SHANK2: variants seen among roughly 807,000 people sequenced by gnomAD.
SHANK2 encodes the protein SH3 and multiple ankyrin repeat domains protein 2.
A neutral mutation model predicts 133.7 loss-of-function variants in SHANK2; 43 were observed. The ratio of observed to expected loss-of-function variants is 0.32; its 90% CI spans 0.25 to 0.41. The LOEUF (loss-of-function observed/expected upper bound fraction) is 0.41. SHANK2 is among the 10% of genes least tolerant of loss of function. The pLI is 1.00. For synonymous variants in SHANK2, 1,017 were observed against 952.8 expected (o/e 1.07, Z -1.24); for missense variants, 1,994 against 2,235.8 (o/e 0.89, Z 2.18).
intron 15 of SHANK2, among the ~76,000 whole-genome samples, chr11:70,679,616 G>A (rs782538387): frequency 2.0e-5 from 3 of 152,246 alleles, no homozygotes; most frequent in Non-Finnish European, 2.9e-5. Flanking sequence ...GGGTCCTGCC[G>A]AGGAACAGAG....
intron 14 of SHANK2, among the ~76,000 whole-genome samples, chr11:70,707,442 A>G (rs1555025198): frequency 6.7e-6 from 1 of 149,642 alleles, no homozygotes; most frequent in Non-Finnish European, 1.5e-5. Flanking sequence ...GGGTCCTGTG[A>G]GCATGCTGAC....
chr11:70,523,336 A>G (rs1286001427), intron 17 of SHANK2, among the ~76,000 whole-genome samples: 2 of 152,178 alleles, frequency 1.3e-5, no homozygotes, highest in Non-Finnish European at 2.9e-5. Context: ...GACTGTGGTA[A>G]AACACAGCAG....
chr11:70,558,190 C>T (rs563729825), intron 17 of SHANK2, among the ~76,000 whole-genome samples: 1 of 152,152 alleles, frequency 6.6e-6, no homozygotes, highest in African/African-American at 2.4e-5. Context: ...GAGGGGGAGC[C>T]CCCTGGCCCC....
intron 3 of SHANK2, among the ~76,000 whole-genome samples, chr11:71,140,539 A>T (rs1333809618): frequency 6.6e-6 from 1 of 152,192 alleles, no homozygotes; most frequent in African/African-American, 2.4e-5. Flanking sequence ...CCGATGGAGG[A>T]CCTCAGTGGC....
intron 8 of SHANK2, among the ~76,000 whole-genome samples, chr11:71,083,593 A>T (rs1374032041): frequency 1.3e-5 from 2 of 152,138 alleles, no homozygotes; most frequent in African/African-American, 2.4e-5. Flanking sequence ...AGAGTCCCTC[A>T]TCCCGAAGAT....
At chr11:70,623,790 G>T (rs2060866534) in intron 17 of SHANK2, among the ~76,000 whole-genome samples, 1 of 152,194 alleles carries the variant, frequency 6.6e-6, no homozygotes. Context: ...CGAGCACATG[G>T]GACATTTCCA....
intron 3 of SHANK2, among the ~76,000 whole-genome samples, chr11:71,139,803 G>A (rs1555105450): frequency 6.6e-6 from 1 of 152,220 alleles, no homozygotes. Flanking sequence ...GAGGGCTCCG[G>A]TTGTGCCTGA....
At chr11:70,539,992 G>C (rs181551799) in intron 17 of SHANK2, among the ~76,000 whole-genome samples, 1 of 152,200 alleles carries the variant, frequency 6.6e-6, no homozygotes, top group Non-Finnish European at 1.5e-5. Context: ...CTCCATCTTC[G>C]CCTGGCCTTC....
intron 14 of SHANK2, among the ~76,000 whole-genome samples, chr11:70,707,460 C>T (rs1334692550): frequency 1.3e-5 from 2 of 151,000 alleles, no homozygotes; most frequent in Non-Finnish European, 3.0e-5. Context: ...GACCTCTACA[C>T]TCCAGCCACA....
intron 17 of SHANK2, among the ~76,000 whole-genome samples, chr11:70,655,488 G>A (rs1193056003): frequency 6.6e-6 from 1 of 152,208 alleles, no homozygotes; most frequent in Admixed American, 6.5e-5. Flanking sequence ...GGATGACTGT[G>A]AGGGTTAAGC....
intron 17 of SHANK2, among the ~76,000 whole-genome samples, chr11:70,506,380 G>A (rs372023358): frequency 6.6e-6 from 1 of 152,100 alleles, no homozygotes; most frequent in Non-Finnish European, 1.5e-5. Flanking sequence ...TGTACCCCTC[G>A]TAGACCTGCT....
intron 17 of SHANK2, among the ~76,000 whole-genome samples, chr11:70,549,320 G>A (rs910856451): frequency 4.6e-5 from 7 of 152,154 alleles, no homozygotes; most frequent in Admixed American, 2.0e-4. Context: ...GATGAGGTGC[G>A]GGTCATTTCA....
At chr11:71,147,956 CA>C (rs1180223987) in intron 2 of SHANK2, among the ~76,000 whole-genome samples, 1 of 151,740 alleles carries the variant, frequency 6.6e-6, no homozygotes, top group Non-Finnish European at 1.5e-5. Context: ...CTGCAGCCAT[CA>C]GACTTGGGGG....
chr11:70,545,591 C>T (rs2059682973), intron 17 of SHANK2, among the ~76,000 whole-genome samples: 1 of 152,246 alleles, frequency 6.6e-6, no homozygotes, highest in Non-Finnish European at 1.5e-5. Flanking sequence ...CACGCACACC[C>T]TCCGTACGGC....
intron 8 of SHANK2, among the ~76,000 whole-genome samples, chr11:71,078,318 T>C (rs1951247691): frequency 6.6e-6 from 1 of 152,010 alleles, no homozygotes; most frequent in African/African-American, 2.4e-5. Context: ...TTGTTGTAAA[T>C]ATATGAATAA....
At chr11:70,871,523 G>A (rs1225841420) in intron 11 of SHANK2, among the ~76,000 whole-genome samples, 3 of 152,352 alleles carry the variant, frequency 2.0e-5, no homozygotes, top group African/African-American at 7.2e-5. Flanking sequence ...GAGCCTGTGA[G>A]CCCCTGGAGG....
intron 14 of SHANK2, among the ~76,000 whole-genome samples, chr11:70,760,356 A>G (rs1555039916): frequency 6.6e-6 from 1 of 152,216 alleles, no homozygotes; most frequent in African/African-American, 2.4e-5. Flanking sequence ...AACCCTTTAT[A>G]ATAGTCTCCC....
chr11:70,559,854 C>T (rs1005311596), intron 17 of SHANK2, among the ~76,000 whole-genome samples: 1 of 135,646 alleles, frequency 7.4e-6, no homozygotes, highest in African/African-American at 2.7e-5. Context: ...CACCCATATT[C>T]TGGGGGGTTG....
chr11:70,693,481 G>A (rs1945331543), intron 15 of SHANK2, among the ~76,000 whole-genome samples: 1 of 152,090 alleles, frequency 6.6e-6, no homozygotes, highest in Non-Finnish European at 1.5e-5. Context: ...TCTTCAGGGA[G>A]ACACTCCCTC....
Sources: allele counts gnomAD v4.1 joint callset (sites outside exome capture counted in the v4.1 genomes callset), GRCh38; gene constraint gnomAD v4.1.1; transcripts MANE v1.5; gene names NCBI Gene and HGNC (gene_info 2026-07-23, HGNC 2026-07-21).